NALF1: variants seen among roughly 807,000 people sequenced by gnomAD.
NALF1 encodes the protein family with sequence similarity 155 member A.
A neutral mutation model predicts 48.4 loss-of-function variants in NALF1; 3 were observed. That is an observed-to-expected ratio of 0.06 (90% CI 0.03 to 0.16). The LOEUF is 0.16. NALF1 is among the 10% of genes least tolerant of loss of function. The pLI is 1.00. For missense variants in NALF1, 526 were observed against 571.5 expected (o/e 0.92, Z 0.81); for synonymous variants, 262 against 245.7 (o/e 1.07, Z -0.62).
intron 1 of NALF1, among the ~76,000 whole-genome samples, chr13:107,212,663 T>G (rs1343916971): frequency 6.6e-6 from 1 of 152,240 alleles, no homozygotes; most frequent in Non-Finnish European, 1.5e-5. Flanking sequence ...GACGTTTGTG[T>G]AATATGACAT....
At chr13:107,594,951 G>A (rs1468816863) in intron 1 of NALF1, among the ~76,000 whole-genome samples, 1 of 151,926 alleles carries the variant, frequency 6.6e-6, no homozygotes, top group Admixed American at 6.6e-5. Flanking sequence ...TGTCCACTGA[G>A]TTGCCTGTAC....
chr13:107,696,551 AGTGTGTGTGTGTGTGT>A (rs58345595), intron 1 of NALF1, among the ~76,000 whole-genome samples: 8 of 146,924 alleles, frequency 5.4e-5, no homozygotes, highest in African/African-American at 1.8e-4. Flanking sequence ...CTCCAAGTTG[AGTGTGTGTGTGTGTGT>A]GTGTGTGTGT....
rs1878769579 is a variant in NALF1 at position 107,170,212 on chromosome 13, A to C, written c.*285T>G. On this transcript the variant is annotated 3_prime_UTR_variant, in exon 3 of 3. Transcript: ENST00000375915. ...GTATTAACAAGTGCAAAAAATAAAC[A>C]AACAAATAAACCCAAACCAAAACGA... The C allele has an allele frequency of 3.2e-6, 1 of 315,112 alleles. No homozygotes were observed. 19.5% of individuals were successfully genotyped at this position (315,112 alleles called of 1,614,324 possible).
At chr13:107,793,338 T>A (rs1223875297) in intron 1 of NALF1, among the ~76,000 whole-genome samples, 1 of 152,190 alleles carries the variant, frequency 6.6e-6, no homozygotes, top group Non-Finnish European at 1.5e-5. Context: ...AGTGAAAAAT[T>A]CACATTGTCA....
intron 1 of NALF1, among the ~76,000 whole-genome samples, chr13:107,498,603 C>A (rs1351733874): frequency 6.6e-6 from 1 of 151,978 alleles, no homozygotes; most frequent in Non-Finnish European, 1.5e-5. Flanking sequence ...AGGGGGAGAA[C>A]AACGTGGAAT....
At chr13:107,271,793 T>TAC (rs1566470658) in intron 1 of NALF1, among the ~76,000 whole-genome samples, 3 of 126,346 alleles carry the variant, frequency 2.4e-5, no homozygotes, top group Non-Finnish European at 3.4e-5. Flanking sequence ...TATATATATA[T>TAC]ATATATATAT....
At chr13:107,540,289 A>G (rs1876963843) in intron 1 of NALF1, among the ~76,000 whole-genome samples, 1 of 152,092 alleles carries the variant, frequency 6.6e-6, no homozygotes, top group Admixed American at 6.6e-5. Context: ...AGATTCTTCA[A>G]CCTCTGCTAA....
chr13:107,516,061 G>A (rs540483192), intron 1 of NALF1, among the ~76,000 whole-genome samples: 5 of 152,262 alleles, frequency 3.3e-5, no homozygotes, highest in African/African-American at 1.2e-4. Context: ...ATAAGAAAAG[G>A]AAAATGTTCA....
intron 1 of NALF1, among the ~76,000 whole-genome samples, chr13:107,597,086 T>A (rs934176135): frequency 2.6e-5 from 4 of 152,202 alleles, no homozygotes; most frequent in African/African-American, 9.6e-5. Flanking sequence ...CCTTAAATGA[T>A]ATTTTGCATA....
chr13:107,587,682 AG>A (rs1878497337), intron 1 of NALF1, among the ~76,000 whole-genome samples: 1 of 152,204 alleles, frequency 6.6e-6, no homozygotes, highest in Non-Finnish European at 1.5e-5. Flanking sequence ...GGGCAGTCTG[AG>A]ATGCAGCATT....
intron 1 of NALF1, among the ~76,000 whole-genome samples, chr13:107,594,419 G>T (rs9520501): frequency 0.15 from 22,556 of 151,908 alleles, 1,958 homozygotes; most frequent in Middle Eastern, 0.24. Context: ...ATCTCTCCCT[G>T]TGTCTCTCCT....
chr13:107,367,685 G>A (rs1883175161), intron 1 of NALF1, among the ~76,000 whole-genome samples: 1 of 152,168 alleles, frequency 6.6e-6, no homozygotes, highest in African/African-American at 2.4e-5. Flanking sequence ...GAAGCGTACT[G>A]ATGCCCCTTG....
At chr13:107,497,363 TA>T (rs1566366256) in intron 1 of NALF1, among the ~76,000 whole-genome samples, 2 of 152,222 alleles carry the variant, frequency 1.3e-5, no homozygotes, top group African/African-American at 4.8e-5. Context: ...ATATAATTTC[TA>T]ATAATGACCT....
intron 1 of NALF1, among the ~76,000 whole-genome samples, chr13:107,448,757 T>G (rs1884691611): frequency 6.6e-6 from 1 of 152,172 alleles, no homozygotes; most frequent in Non-Finnish European, 1.5e-5. Context: ...TTTGAAAGTG[T>G]CTGAAAGTGG....
chr13:107,424,727 C>A (rs1245342068), intron 1 of NALF1, among the ~76,000 whole-genome samples: 3 of 152,140 alleles, frequency 2.0e-5, no homozygotes, highest in Non-Finnish European at 4.4e-5. Context: ...GGGAGAGATA[C>A]TTGATATTTA....
chr13:107,728,734 A>G (rs1459210867), intron 1 of NALF1, among the ~76,000 whole-genome samples: 3 of 151,862 alleles, frequency 2.0e-5, no homozygotes, highest in Admixed American at 6.6e-5. Flanking sequence ...AAGAAAAAGA[A>G]TCCAGCCTTG....
intron 1 of NALF1, among the ~76,000 whole-genome samples, chr13:107,847,799 G>A (rs748225207): frequency 1.4e-4 from 21 of 152,098 alleles, no homozygotes; most frequent in Non-Finnish European, 2.6e-4. Flanking sequence ...GCTAAGCTGC[G>A]TCCACATTTC....
chr13:107,404,377 A>G (rs1331476480), intron 1 of NALF1, among the ~76,000 whole-genome samples: 2 of 152,104 alleles, frequency 1.3e-5, no homozygotes, highest in Non-Finnish European at 2.9e-5. Context: ...GATAGCTTCA[A>G]AGATTTGTCC....
At chr13:107,650,990 G>A (rs529031346) in intron 1 of NALF1, among the ~76,000 whole-genome samples, 1 of 152,010 alleles carries the variant, frequency 6.6e-6, no homozygotes, top group East Asian at 1.9e-4. Flanking sequence ...TTAGTACCTG[G>A]GTGATAAAAT....
Sources: allele counts gnomAD v4.1 joint callset (sites outside exome capture counted in the v4.1 genomes callset), GRCh38; gene constraint gnomAD v4.1.1; transcripts MANE v1.5; gene names NCBI Gene and HGNC (gene_info 2026-07-23, HGNC 2026-07-21).